The following SCRN1 variants were observed in gnomAD, a reference collection of about 807,000 sequenced individuals.
The protein encoded by SCRN1 is secernin 1.
SCRN1 carries 19 observed loss-of-function variants against 43.3 expected under a neutral mutation model. The ratio of observed to expected loss-of-function variants is 0.44; its 90% CI spans 0.31 to 0.64. The LOEUF (loss-of-function observed/expected upper bound fraction) is 0.64, where lower values mean the gene tolerates loss of function less well. SCRN1 is among the 30% of genes least tolerant of loss of function. SCRN1 has a pLI of 0.09. For synonymous variants in SCRN1, 183 were observed against 188.9 expected (o/e 0.97, Z 0.26); for missense variants, 447 against 524.1 (o/e 0.85, Z 1.44).
intron 2 of SCRN1, among the ~76,000 whole-genome samples, chr7:29,959,435 TTTTG>T (rs1436286099): frequency 1.3e-5 from 2 of 152,154 alleles, no homozygotes; most frequent in African/African-American, 2.4e-5. Context: ...TATGTGTGTA[TTTTG>T]TTTGTTTGTT....
At chr7:29,946,342 T>C (rs765271966) in intron 3 of SCRN1, among the ~76,000 whole-genome samples, 1 of 152,186 alleles carries the variant, frequency 6.6e-6, no homozygotes, top group Non-Finnish European at 1.5e-5. Context: ...GAACCCCACG[T>C]TGTACACACT....
intron 6 of SCRN1, among the ~76,000 whole-genome samples, chr7:29,929,427 T>G (rs867240776): frequency 9.2e-5 from 14 of 152,148 alleles, no homozygotes; most frequent in African/African-American, 3.4e-4. Flanking sequence ...CAAAGCCCAC[T>G]CCAAACCCAA....
chr7:29,976,092 T>C (rs768494212), intron 1 of SCRN1, among the ~76,000 whole-genome samples: 1 of 152,172 alleles, frequency 6.6e-6, no homozygotes, highest in African/African-American at 2.4e-5. Flanking sequence ...TAAAAAAATA[T>C]CTGCTACTTT....
chr7:29,922,850 G>C lies in SCRN1; in HGVS notation c.*1107C>G, dbSNP rs888297340. On this transcript the variant is annotated 3_prime_UTR_variant, in exon 8 of 8. Coordinates refer to ENST00000242059, the MANE Select transcript of SCRN1 (RefSeq NM_014766.5). ...TGTCTTCCCAATGCTAAGCCCATCT[G>C]GTCTTCCTTGCATGCTTTTCTATGC... 2.0e-5 allele frequency: 3 copies of C among 152,224 alleles called. No homozygotes were observed. The highest frequency in any genetic ancestry group is 4.4e-5 in the Non-Finnish European group (3 of 68,090). The allele number at this position is 152,224 out of a possible 1,614,324, so 9.4% of individuals were successfully genotyped here. A position where few individuals can be genotyped will look rare whatever the true frequency, so the allele number is the denominator to read the frequency against.
chr7:29,957,601 G>A (rs1788175661), intron 2 of SCRN1, among the ~76,000 whole-genome samples: 1 of 152,226 alleles, frequency 6.6e-6, no homozygotes, highest in African/African-American at 2.4e-5. Flanking sequence ...TATATATCAG[G>A]CATCAATAAG....
intron 2 of SCRN1, among the ~76,000 whole-genome samples, chr7:29,957,501 T>C (rs1240098559): frequency 2.1e-4 from 32 of 152,254 alleles, no homozygotes; most frequent in Admixed American, 2.1e-3. Context: ...GTACTGTTTA[T>C]GTATACTATC....
chr7:29,975,496 A>G, intron 1 of SCRN1, among the ~76,000 whole-genome samples: 1 of 152,184 alleles, frequency 6.6e-6, no homozygotes, highest in Non-Finnish European at 1.5e-5. Flanking sequence ...TTATGAAATC[A>G]ATTTAGTGGA....
chr7:29,957,082 A>G (rs1038030589), intron 2 of SCRN1, among the ~76,000 whole-genome samples: 3 of 152,240 alleles, frequency 2.0e-5, no homozygotes, highest in Admixed American at 6.5e-5. Flanking sequence ...TTAAGCACAG[A>G]TTTATCATAC....
At chr7:29,931,136 A>G (rs1285898079) in intron 6 of SCRN1, among the ~76,000 whole-genome samples, 1 of 152,210 alleles carries the variant, frequency 6.6e-6, no homozygotes, top group African/African-American at 2.4e-5. Flanking sequence ...TTTTCCCTCT[A>G]AAGCCTTGTG....
intron 2 of SCRN1, among the ~76,000 whole-genome samples, chr7:29,961,936 G>C (rs1788335871): frequency 6.6e-6 from 1 of 152,172 alleles, no homozygotes. Context: ...AAGATGGAGA[G>C]AGGCTAAGTG....
chr7:29,985,954 G>C (rs1789136598), intron 1 of SCRN1, among the ~76,000 whole-genome samples: 3 of 152,370 alleles, frequency 2.0e-5, no homozygotes, highest in Non-Finnish European at 4.4e-5. Flanking sequence ...TAATCCAAGG[G>C]CTGGGCGAGG....
At chr7:29,964,711 G>A (rs1378959246) in intron 2 of SCRN1, among the ~76,000 whole-genome samples, 1 of 152,050 alleles carries the variant, frequency 6.6e-6, no homozygotes, top group African/African-American at 2.4e-5. Flanking sequence ...GGGAGGCCGA[G>A]GCGGGTGGAT....
intron 1 of SCRN1, among the ~76,000 whole-genome samples, chr7:29,980,278 T>C (rs955825178): frequency 3.9e-5 from 6 of 152,226 alleles, no homozygotes; most frequent in Non-Finnish European, 8.8e-5. Context: ...TGTGGTGAGC[T>C]GCCAAAAGCA....
intron 1 of SCRN1, among the ~76,000 whole-genome samples, chr7:29,973,826 A>G (rs79903427): frequency 0.013 from 1,923 of 152,322 alleles, 49 homozygotes; most frequent in African/African-American, 0.043. Context: ...GGTATGCATA[A>G]GTGTTCACGT....
chr7:29,924,114 T>C lies in SCRN1; in HGVS notation c.1088A>G (p.Glu363Gly), dbSNP rs1786862717. ...WARAIIESDQ[E>G]QGRKLRSTML... ...GGTGCTCCTCAGCTTGCGACCTTGC[T>C]CCTGAGGAAGGACACGACTGCTTTA... Residue 363 changes from glutamate to glycine, a missense_variant and splice_region_variant, in exon 8 of 8, where the codon GAG (glutamate) becomes GGG (glycine). Coordinates refer to ENST00000242059, the MANE Select transcript of SCRN1 (RefSeq NM_014766.5). 6.2e-7 allele frequency: 1 copy of C among 1,609,540 alleles called. No homozygotes were observed. The highest frequency in any genetic ancestry group is 1.1e-5 in the South Asian group (1 of 90,358).
At chr7:29,936,218 G>A (rs568022232) in intron 6 of SCRN1, among the ~76,000 whole-genome samples, 4 of 152,142 alleles carry the variant, frequency 2.6e-5, no homozygotes, top group Admixed American at 6.5e-5. Flanking sequence ...TATCCCTCAT[G>A]TACCACACAA....
At chr7:29,972,201 G>A (rs933201616) in intron 1 of SCRN1, among the ~76,000 whole-genome samples, 2 of 152,178 alleles carry the variant, frequency 1.3e-5, no homozygotes, top group Admixed American at 6.5e-5. Context: ...CAAATAAAGT[G>A]AAACAGACCC....
chr7:29,929,156 C>G (rs777671246), intron 6 of SCRN1, among the ~76,000 whole-genome samples: 9 of 152,224 alleles, frequency 5.9e-5, no homozygotes, highest in Non-Finnish European at 8.8e-5. Context: ...TTCACTGGCA[C>G]AGAAACCCTT....
rs374268275 is a variant in SCRN1 at position 29,953,833 on chromosome 7, A to T, written c.341+1346T>A. On this transcript the variant is annotated intron_variant, in intron 3 of 7. Transcript: ENST00000242059. ...CCCTACAAAACCAAAATCCAACCCC[A>T]TTCCTTTTTCTAGGATGTTAGCTTT... Among the ~76,000 whole-genome samples the T allele has an allele frequency of 1.1e-4, 16 of 152,122 alleles. No homozygotes were observed. The East Asian group carries it at 3.1e-3, about 29-fold the overall frequency.
Sources: gnomAD v4.1 joint callset for allele counts (sites outside exome capture counted in the v4.1 genomes callset) on GRCh38, gnomAD v4.1.1 for gene constraint, MANE v1.5 for transcripts, NCBI Gene and HGNC (gene_info 2026-07-23, HGNC 2026-07-21) for gene names.